The following TRPC3 variants were observed in gnomAD, a reference collection of about 807,000 sequenced individuals.
TRPC3 encodes short transient receptor potential channel 3.
Under a neutral mutation model 90.9 loss-of-function variants are expected in TRPC3, and 54 were observed. The observed-to-expected ratio is 0.59, with a 90% confidence interval of 0.48 to 0.75. The LOEUF (loss-of-function observed/expected upper bound fraction) is 0.75. TRPC3 is among the 30% of genes least tolerant of loss of function. The pLI, the probability that TRPC3 is intolerant of heterozygous loss-of-function variation, is 0.00. For synonymous variants in TRPC3, 424 were observed against 450.9 expected (o/e 0.94, Z 0.75); for missense variants, 918 against 1,194.5 (o/e 0.77, Z 3.41).
Position 121,921,401 on chromosome 4 carries a change from A to C in TRPC3, c.1176+3617T>G, listed in dbSNP as rs868337978. On this transcript the variant is annotated intron_variant, in intron 3 of 11. Coordinates refer to ENST00000379645, the MANE Select transcript of TRPC3 (RefSeq NM_001130698.2). ...GCCGGGCGTAGTGGCGGGCGCCTGT[A>C]GTCCCAGCTACTTGGGAGGCTGAGG... Among the ~76,000 whole-genome samples the C allele has an allele frequency of 2.9e-3, 431 of 150,282 alleles. 3 individuals are homozygous for C. Among genetic ancestry groups the C allele is most frequent in the African/African-American group, 0.01 (412 of 41,072 alleles).
chr4:121,923,314 G>GT (rs888086648), intron 3 of TRPC3, among the ~76,000 whole-genome samples: 4 of 152,110 alleles, frequency 2.6e-5, no homozygotes, highest in African/African-American at 9.7e-5. Flanking sequence ...TCTGGGTGAG[G>GT]TTTTTGGAAG....
chr4:121,915,447 A>G (rs1729275891), intron 3 of TRPC3, among the ~76,000 whole-genome samples: 1 of 152,240 alleles, frequency 6.6e-6, no homozygotes, highest in East Asian at 1.9e-4. Context: ...GTAATTATGT[A>G]CTATTACTGC....
rs1312439010 is a variant in TRPC3 at position 121,951,749 on chromosome 4, C to T, written c.-69G>A. ...TCCTCCGCCTTCGCGGCAGTGCAGT[C>T]TTCCCGCGGCGCCCCTTCACCACCT... On this transcript the variant is annotated 5_prime_UTR_variant, in exon 1 of 12. Transcript: ENST00000379645. The surrounding 1 kb of genome is among the most constrained non-coding windows in gnomAD (Gnocchi z 4.4). 1 of 1,225,824 alleles carries T rather than the reference C, an allele frequency of 8.2e-7. No individual in the cohort carries two copies. Among genetic ancestry groups the T allele is most frequent in the East Asian group, 3.2e-5 (1 of 31,266 alleles). The allele number at this position is 1,225,824 out of a possible 1,614,324, so 75.9% of individuals were successfully genotyped here.
intron 1 of TRPC3, among the ~76,000 whole-genome samples, chr4:121,948,177 G>GA (rs5861549): frequency 0.038 from 5,486 of 145,178 alleles, 343 homozygotes; most frequent in African/African-American, 0.13. Flanking sequence ...CCTTTAAAAA[G>GA]AAAAAAAAAA....
At chr4:121,922,673 A>G (rs1390350284) in intron 3 of TRPC3, among the ~76,000 whole-genome samples, 1 of 152,208 alleles carries the variant, frequency 6.6e-6, no homozygotes, top group Non-Finnish European at 1.5e-5. Context: ...ATGATAAAAA[A>G]CCAGTGACAA....
At chr4:121,906,503 T>C (rs1728886797) in intron 7 of TRPC3, among the ~76,000 whole-genome samples, 1 of 152,114 alleles carries the variant, frequency 6.6e-6, no homozygotes, top group African/African-American at 2.4e-5. Flanking sequence ...CTATATTAAC[T>C]ATTAAAAAAT....
chr4:121,935,628 A>G (rs1175074216), intron 1 of TRPC3, among the ~76,000 whole-genome samples: 2 of 152,128 alleles, frequency 1.3e-5, no homozygotes, highest in African/African-American at 4.8e-5. Flanking sequence ...TAATCTATGA[A>G]CTGATATTCT....
chr4:121,930,900 A>G, intron 2 of TRPC3: 1 of 356,382 alleles, frequency 2.8e-6, no homozygotes, highest in Non-Finnish European at 5.3e-6. Flanking sequence ...CACATAATGA[A>G]TCTCTTCAAA....
At chr4:121,946,346 G>GA (rs1362083433) in intron 1 of TRPC3, among the ~76,000 whole-genome samples, 2 of 152,148 alleles carry the variant, frequency 1.3e-5, no homozygotes, top group African/African-American at 4.8e-5. Flanking sequence ...GAGGGCTCTA[G>GA]AAAGGATAAC....
At chr4:121,929,824 G>A (rs1323742299) in intron 2 of TRPC3, among the ~76,000 whole-genome samples, 1 of 151,578 alleles carries the variant, frequency 6.6e-6, no homozygotes, top group Non-Finnish European at 1.5e-5. Context: ...AAATATAGGT[G>A]TCTTAAAAGG....
At chr4:121,907,792 C>G (rs1038366348) in intron 6 of TRPC3, among the ~76,000 whole-genome samples, 4 of 152,048 alleles carry the variant, frequency 2.6e-5, no homozygotes, top group African/African-American at 9.7e-5. Context: ...AGATACTAAG[C>G]TGACTCCACA....
chr4:121,908,430 T>C lies in TRPC3; in HGVS notation c.1793-863A>G, dbSNP rs1728963213. 2.0e-5 allele frequency among the ~76,000 whole-genome samples: 3 copies of C among 152,134 alleles called. No individual in the cohort carries two copies. The South Asian group carries it at 6.2e-4, about 32-fold the overall frequency. On this transcript the variant is annotated intron_variant, in intron 6 of 11. Coordinates refer to ENST00000379645, the MANE Select transcript of TRPC3 (RefSeq NM_001130698.2). ...TTACCAAAAGACACATGCACTTGCA[T>C]CTTCATTGCAGCACTATTCACAATA...
intron 9 of TRPC3, among the ~76,000 whole-genome samples, chr4:121,902,030 G>A (rs540134939): frequency 2.6e-5 from 4 of 152,056 alleles, no homozygotes; most frequent in Non-Finnish European, 4.4e-5. Context: ...TAACTTTTTC[G>A]CCTAGTTTCA....
chr4:121,914,347 C>T (rs1055063232), intron 4 of TRPC3, among the ~76,000 whole-genome samples: 1 of 152,262 alleles, frequency 6.6e-6, no homozygotes, highest in African/African-American at 2.4e-5. Context: ...TGGATTTCTT[C>T]TGACAGGTCC....
chr4:121,910,272 T>C lies in TRPC3; in HGVS notation c.1674A>G (p.Thr558=), dbSNP rs775064148. Reference sequence around the variant, plus strand: ...CCTGAAGGAAAGCTAGGAATCTGGCTGTGAAAGCAGCAATGAAGATGGACA... The same window carrying C: ...CCTGAAGGAAAGCTAGGAATCTGGCCGTGAAAGCAGCAATGAAGATGGACA... ...GMLSIFIAAF[T]ARFLAFLQAT... is the part of the protein sequence containing the mutation. The change falls in exon 6 of 12, where the codon ACA becomes ACG. Residue 558 remains threonine, a synonymous_variant. Transcript: ENST00000379645. 1 of 1,613,878 alleles carries C rather than the reference T, an allele frequency of 6.2e-7. No individual in the cohort carries two copies. Among genetic ancestry groups the C allele is most frequent in the East Asian group, 2.2e-5 (1 of 44,872 alleles).
rs1388868673 is a variant in TRPC3, at chr4:121,932,906, C to T, written c.352G>A (p.Asp118Asn). The T allele has an allele frequency of 5.6e-6, 9 of 1,613,984 alleles. No homozygotes were observed. Among genetic ancestry groups the T allele is most frequent in the African/African-American group, 1.3e-5 (1 of 74,952 alleles). Residue 118 changes from aspartate (D) to asparagine (N), a missense_variant, in exon 2 of 12, where the codon GAC becomes AAC. Physicochemically the swap from Asp to Asn is conservative, Grantham distance 23 (BLOSUM62 1). Around this residue, in one of 4 missense-constraint regions of TRPC3, gnomAD observed 609 missense variants for 725.9 expected, o/e 0.84. Coordinates refer to ENST00000379645, the MANE Select transcript of TRPC3 (RefSeq NM_001130698.2). The surrounding 1 kb of genome is among the most constrained non-coding windows in gnomAD (Gnocchi z 7.7). ...SLTAEEERFL[D>N]AAEYGNIPVV... is the part of the protein sequence containing the mutation. ...GGGATGTTGCCGTACTCGGCGGCGT[C>T]GAGGAAGCGCTCCTCCTCGGCGGTG... is the stretch of plus-strand genomic sequence containing the variant.
intron 1 of TRPC3, among the ~76,000 whole-genome samples, chr4:121,945,116 T>C (rs1730439641): frequency 6.6e-6 from 1 of 152,240 alleles, no homozygotes; most frequent in East Asian, 1.9e-4. Context: ...AGGTGGGGAA[T>C]TCAGATGACC....
intron 3 of TRPC3, among the ~76,000 whole-genome samples, chr4:121,923,767 T>C (rs1396708002): frequency 6.6e-6 from 1 of 152,188 alleles, no homozygotes; most frequent in Non-Finnish European, 1.5e-5. Context: ...ACAGGTTGGC[T>C]CTAGTGCCTG....
chr4:121,892,139 A>G (rs1298655767), intron 10 of TRPC3, among the ~76,000 whole-genome samples: 1 of 152,230 alleles, frequency 6.6e-6, no homozygotes, highest in African/African-American at 2.4e-5. Flanking sequence ...GATTTTCTTC[A>G]TAGTTTAGAG....
Sources: allele counts gnomAD v4.1 joint callset (sites outside exome capture counted in the v4.1 genomes callset), GRCh38; gene constraint gnomAD v4.1.1; regional missense constraint gnomAD v4.1.1; non-coding constraint Gnocchi (gnomAD v3.1); transcripts MANE v1.5; gene names NCBI Gene and HGNC (gene_info 2026-07-23, HGNC 2026-07-21).